Variants in SNX24 observed in about 807,000 individuals in gnomAD.
SNX24 encodes the protein sorting nexin-24.
Under a neutral mutation model 28.7 loss-of-function variants are expected in SNX24, and 22 were observed. That is an observed-to-expected ratio of 0.77 (90% CI 0.55 to 1.10). SNX24 has a LOEUF of 1.10. Among genes scored for constraint, SNX24 ranks in the 50% least tolerant of loss-of-function variants. The probability of loss-of-function intolerance (pLI) is 0.00; values close to 1 mark genes in which losing one functional copy is unlikely to be tolerated. For synonymous variants in SNX24, 69 were observed against 71.5 expected (o/e 0.96, Z 0.18); for missense variants, 221 against 201.1 (o/e 1.10, Z -0.60).
chr5:122,912,279 A>G (rs369473444), intron 1 of SNX24, among the ~76,000 whole-genome samples: 46,175 of 136,002 alleles, frequency 0.34, 7,924 homozygotes, highest in African/African-American at 0.45. Flanking sequence ...TTTGTCTGTT[A>G]TTGGTGTATA....
At chr5:122,925,698 A>T (rs1259913538) in intron 1 of SNX24, among the ~76,000 whole-genome samples, 1 of 152,180 alleles carries the variant, frequency 6.6e-6, no homozygotes, top group African/African-American at 2.4e-5. Context: ...GGTTGTTCTA[A>T]CAAAAATAAC....
chr5:122,919,457 C>A (rs1441446442), intron 1 of SNX24, among the ~76,000 whole-genome samples: 1 of 152,054 alleles, frequency 6.6e-6, no homozygotes, highest in Non-Finnish European at 1.5e-5. Context: ...GTACAAAACT[C>A]ATTTAGGGTC....
chr5:122,913,423 C>T (rs1172753869), intron 1 of SNX24, among the ~76,000 whole-genome samples: 10 of 149,566 alleles, frequency 6.7e-5, no homozygotes, highest in Non-Finnish European at 8.9e-5. Context: ...CCGGACGGGG[C>T]GGCTGGCCGG....
intron 5 of SNX24, among the ~76,000 whole-genome samples, chr5:123,021,094 T>G (rs918270364): frequency 1.3e-4 from 17 of 131,998 alleles, no homozygotes; most frequent in Non-Finnish European, 2.3e-4. Context: ...CCTCTCTGCC[T>G]CCACACAGTT....
chr5:122,925,230 CCCTCTTCTTTTTCTCCTCCTCCTCCTT>C (rs201772238), intron 1 of SNX24, among the ~76,000 whole-genome samples: 17,009 of 114,802 alleles, frequency 0.15, 1,436 homozygotes, highest in East Asian at 0.4. Flanking sequence ...CCCCTTCCCT[CCCTCTTCTTTTTCTCCTCCTCCTCCTT>C]CCTTCCCCTC....
intron 5 of SNX24, among the ~76,000 whole-genome samples, chr5:123,020,722 T>A (rs895161278): frequency 4.6e-5 from 7 of 151,736 alleles, no homozygotes; most frequent in Non-Finnish European, 1.0e-4. Flanking sequence ...AAGCTAAGTG[T>A]GGATTAGCTT....
chr5:122,865,634 C>T (rs1009684028), intron 1 of SNX24, among the ~76,000 whole-genome samples: 3 of 152,178 alleles, frequency 2.0e-5, no homozygotes, highest in African/African-American at 7.2e-5. Flanking sequence ...CCACCGTGCC[C>T]AGCCACTTGC....
At chr5:122,952,847 T>C (rs1328903498) in intron 3 of SNX24, among the ~76,000 whole-genome samples, 2 of 152,122 alleles carry the variant, frequency 1.3e-5, no homozygotes, top group African/African-American at 4.8e-5. Flanking sequence ...CAGTAGATGC[T>C]CTCTCTAGTT....
At chr5:122,969,306 T>G (rs540132836) in intron 3 of SNX24, among the ~76,000 whole-genome samples, 1 of 152,178 alleles carries the variant, frequency 6.6e-6, no homozygotes, top group Non-Finnish European at 1.5e-5. Flanking sequence ...CACTTCCACA[T>G]AGCTGAAACC....
intron 3 of SNX24, among the ~76,000 whole-genome samples, chr5:122,949,845 G>A (rs1006479834): frequency 5.3e-5 from 8 of 152,246 alleles, no homozygotes; most frequent in South Asian, 2.1e-4. Flanking sequence ...ATCCAAGTAC[G>A]TATAGTATCT....
chr5:122,866,192 C>T (rs1042458209), intron 1 of SNX24, among the ~76,000 whole-genome samples: 2 of 152,306 alleles, frequency 1.3e-5, no homozygotes, highest in East Asian at 3.9e-4. Flanking sequence ...CTCTGTCACC[C>T]AGGCTGGGGT....
intron 1 of SNX24, among the ~76,000 whole-genome samples, chr5:122,905,194 C>A (rs1332506465): frequency 1.3e-5 from 2 of 151,998 alleles, no homozygotes; most frequent in Non-Finnish European, 2.9e-5. Flanking sequence ...AGGTAAGGAT[C>A]CTGATTCCAT....
At chr5:122,969,826 G>A (rs994606721) in intron 3 of SNX24, among the ~76,000 whole-genome samples, 6 of 152,154 alleles carry the variant, frequency 3.9e-5, no homozygotes, top group South Asian at 2.1e-4. Context: ...ATTCAGCACC[G>A]TCGCACCCAG....
intron 6 of SNX24, among the ~76,000 whole-genome samples, chr5:123,003,193 G>C (rs1292649090): frequency 6.6e-6 from 1 of 152,154 alleles, no homozygotes; most frequent in Non-Finnish European, 1.5e-5. Context: ...TTTGAAGAAG[G>C]GTGGCCAGGA....
At chr5:122,886,030 C>T (rs796734186) in intron 1 of SNX24, among the ~76,000 whole-genome samples, 12 of 152,232 alleles carry the variant, frequency 7.9e-5, no homozygotes, top group African/African-American at 2.6e-4. Context: ...CGTTTCCCCG[C>T]GGCCCAGGGG....
chr5:122,899,285 A>T (rs1757331575), intron 1 of SNX24, among the ~76,000 whole-genome samples: 1 of 152,230 alleles, frequency 6.6e-6, no homozygotes. Flanking sequence ...TGGCATAGGT[A>T]GTAGCAGCAG....
rs74484817 is a variant in SNX24, at chr5:122,932,345, A to C, written c.61-4389A>C. ...TGTCTCTAGGAATAGAAAACTAAAC[A>C]GGCAAGTCAGAGCCAGGCGCAGTGG... On this transcript the variant is annotated intron_variant, in intron 1 of 6. Transcript: ENST00000261369. Among the ~76,000 whole-genome samples, 1,284 of 152,332 alleles carry C rather than the reference A, an allele frequency of 8.4e-3. 21 individuals carry two copies. Among genetic ancestry groups the C allele is most frequent in the African/African-American group, 0.03 (1,231 of 41,580 alleles).
At chr5:122,898,718 A>G (rs553388525) in intron 1 of SNX24, among the ~76,000 whole-genome samples, 39 of 152,370 alleles carry the variant, frequency 2.6e-4, no homozygotes, top group Admixed American at 1.9e-3. Context: ...TGATGGGTAG[A>G]TGCTTCTGTT....
chr5:122,881,134 G>C (rs1756461119), intron 1 of SNX24, among the ~76,000 whole-genome samples: 1 of 152,166 alleles, frequency 6.6e-6, no homozygotes, highest in African/African-American at 2.4e-5. Flanking sequence ...TCTGGCCAAA[G>C]ACAGCAGGAG....
Sources: allele counts gnomAD v4.1 joint callset (sites outside exome capture counted in the v4.1 genomes callset), GRCh38; gene constraint gnomAD v4.1.1; transcripts MANE v1.5; gene names NCBI Gene and HGNC (gene_info 2026-07-23, HGNC 2026-07-21).